The following NCKAP5 variants were observed in gnomAD, a reference collection of about 807,000 sequenced individuals.
NCKAP5 encodes the protein nck-associated protein 5.
Under a neutral mutation model 167.0 loss-of-function variants are expected in NCKAP5, and 92 were observed. That is an observed-to-expected ratio of 0.55 (90% CI 0.47 to 0.66). The LOEUF is 0.66. Ranked by LOEUF, NCKAP5 falls within the 30% of genes least tolerant of loss-of-function variation. NCKAP5 has a pLI of 0.00. For missense variants in NCKAP5, 2,378 were observed against 2,315.0 expected, an observed-to-expected ratio of 1.03 and a Z score of -0.56; for synonymous variants, 891 against 877.4, an observed-to-expected ratio of 1.02 and a Z score of -0.27.
the NCKAP5 span, among the ~76,000 whole-genome samples, chr2:133,650,049 A>G: frequency 1.3e-5 from 2 of 152,218 alleles, no homozygotes; most frequent in Non-Finnish European, 2.9e-5. Flanking sequence ...ATGTAAAAAT[A>G]AATTGTGTTT....
At chr2:132,840,818 A>T (rs1688246059) in intron 11 of NCKAP5, among the ~76,000 whole-genome samples, 1 of 152,096 alleles carries the variant, frequency 6.6e-6, no homozygotes, top group Admixed American at 6.5e-5. Flanking sequence ...TATTTATTTT[A>T]AAAAATATTT....
At chr2:133,192,486 C>T (rs1050741741) in intron 5 of NCKAP5, among the ~76,000 whole-genome samples, 17 of 151,914 alleles carry the variant, frequency 1.1e-4, no homozygotes, top group African/African-American at 4.1e-4. Flanking sequence ...TGGGAGAAAA[C>T]ATTTACATAC....
intron 8 of NCKAP5, among the ~76,000 whole-genome samples, chr2:132,893,544 A>G (rs1692894854): frequency 6.6e-6 from 1 of 152,256 alleles, no homozygotes; most frequent in Non-Finnish European, 1.5e-5. Flanking sequence ...CACAACATAT[A>G]TTTAAACACA....
chr2:133,548,137 G>GATGAAATGA lies in NCKAP5; in HGVS notation c.-62+10904_-62+10912dup, dbSNP rs1206545892. Among the ~76,000 whole-genome samples, 3 of 150,758 alleles carry GATGAAATGA rather than the reference G, an allele frequency of 2.0e-5. No homozygotes were observed. In the South Asian group the frequency reaches 6.3e-4, roughly 32 times the overall value. On this transcript the variant is annotated intron_variant, in intron 2 of 19. Transcript: ENST00000409261. ...GGAAGAAAGGGTATCAGCAATGGAA[G>GATGAAATGA]ATGAAATGAATGAAATGAAGCGAGA...
At chr2:133,639,418 A>T in the NCKAP5 span, among the ~76,000 whole-genome samples, 1 of 152,202 alleles carries the variant, frequency 6.6e-6, no homozygotes, top group African/African-American at 2.4e-5. Context: ...ATCAGTACGG[A>T]TCTCTAAATT....
chr2:133,630,797 C>T, the NCKAP5 span, among the ~76,000 whole-genome samples: 1 of 152,134 alleles, frequency 6.6e-6, no homozygotes, highest in Non-Finnish European at 1.5e-5. Flanking sequence ...AGAACCAGCA[C>T]AGACCAGAAA....
At chr2:133,190,808 T>G (rs1304837004) in intron 5 of NCKAP5, among the ~76,000 whole-genome samples, 2 of 152,078 alleles carry the variant, frequency 1.3e-5, no homozygotes, top group African/African-American at 4.8e-5. Context: ...GACCTAAACC[T>G]ATAAAAACCC....
chr2:132,997,658 G>C (rs1218430265), intron 6 of NCKAP5, among the ~76,000 whole-genome samples: 2 of 151,852 alleles, frequency 1.3e-5, no homozygotes, highest in African/African-American at 4.8e-5. Flanking sequence ...TGACCTTATT[G>C]GTATTCAGGA....
At chr2:132,803,311 T>C (rs768787449) in intron 11 of NCKAP5, among the ~76,000 whole-genome samples, 2 of 152,232 alleles carry the variant, frequency 1.3e-5, no homozygotes, top group African/African-American at 2.4e-5. Flanking sequence ...TTATTTTCCC[T>C]GACAACTTTT....
intron 8 of NCKAP5, among the ~76,000 whole-genome samples, chr2:132,910,325 T>C (rs1051414784): frequency 2.0e-5 from 3 of 152,052 alleles, no homozygotes; most frequent in African/African-American, 7.2e-5. Context: ...TAGTCAATAA[T>C]ATTTGTGCTA....
At chr2:132,998,801 G>A (rs2077688338) in intron 6 of NCKAP5, among the ~76,000 whole-genome samples, 1 of 152,076 alleles carries the variant, frequency 6.6e-6, no homozygotes, top group African/African-American at 2.4e-5. Flanking sequence ...ATATGATTAA[G>A]AAATAAGCCA....
chr2:132,743,516 C>T (rs1390639547), intron 16 of NCKAP5, among the ~76,000 whole-genome samples: 2 of 151,304 alleles, frequency 1.3e-5, no homozygotes, highest in Non-Finnish European at 3.0e-5. Flanking sequence ...AAATGTTAAA[C>T]CACTCACTAA....
At chr2:133,189,031 C>T (rs1161288561) in intron 5 of NCKAP5, among the ~76,000 whole-genome samples, 2 of 151,978 alleles carry the variant, frequency 1.3e-5, no homozygotes, top group Non-Finnish European at 2.9e-5. Context: ...AATTGATAGG[C>T]TACTAGCAAG....
At chr2:132,845,232 T>C (rs1364234013) in intron 11 of NCKAP5, among the ~76,000 whole-genome samples, 2 of 152,156 alleles carry the variant, frequency 1.3e-5, no homozygotes, top group Non-Finnish European at 2.9e-5. Flanking sequence ...TCAAAAACCT[T>C]TTCTCCTAGT....
At chr2:133,562,870 G>C (rs1005825214) in intron 1 of NCKAP5, among the ~76,000 whole-genome samples, 1 of 152,198 alleles carries the variant, frequency 6.6e-6, no homozygotes, top group African/African-American at 2.4e-5. Flanking sequence ...TTGGGGCATT[G>C]TAAATGTGTG....
chr2:133,124,565 C>A (rs1015632466), intron 6 of NCKAP5, among the ~76,000 whole-genome samples: 1 of 152,208 alleles, frequency 6.6e-6, no homozygotes, highest in Non-Finnish European at 1.5e-5. Flanking sequence ...AAACCATTAA[C>A]AAGTATGAAG....
At chr2:132,843,667 C>A (rs1343455307) in intron 11 of NCKAP5, among the ~76,000 whole-genome samples, 2 of 151,750 alleles carry the variant, frequency 1.3e-5, no homozygotes, top group African/African-American at 4.8e-5. Context: ...ACTTTCTAAT[C>A]CTATTTCTCT....
chr2:133,258,656 G>A (rs764568263), intron 4 of NCKAP5, among the ~76,000 whole-genome samples: 5 of 151,838 alleles, frequency 3.3e-5, no homozygotes, highest in African/African-American at 1.2e-4. Flanking sequence ...GAGGTGGGAG[G>A]AATACTTGAG....
At chr2:132,987,890 C>T (rs186056770) in intron 7 of NCKAP5, among the ~76,000 whole-genome samples, 8 of 152,316 alleles carry the variant, frequency 5.3e-5, no homozygotes, top group Non-Finnish European at 1.0e-4. Flanking sequence ...CTCTGTGCCT[C>T]AGTTTCCTCT....
Sources: gnomAD v4.1 joint callset for allele counts (sites outside exome capture counted in the v4.1 genomes callset) on GRCh38, gnomAD v4.1.1 for gene constraint, MANE v1.5 for transcripts, NCBI Gene and HGNC (gene_info 2026-07-23, HGNC 2026-07-21) for gene names.